Variants in SLC44A1 observed in about 807,000 individuals in gnomAD.
SLC44A1 encodes choline transporter-like protein 1.
Under a neutral mutation model 79.3 loss-of-function variants are expected in SLC44A1, and 26 were observed. That is an observed-to-expected ratio of 0.33 (90% confidence interval 0.24 to 0.46). SLC44A1 has a LOEUF of 0.46. SLC44A1 is among the 20% of genes least tolerant of loss of function. The pLI, the probability that SLC44A1 is intolerant of heterozygous loss-of-function variation, is 1.00. For synonymous variants in SLC44A1, 263 were observed against 286.2 expected, an observed-to-expected ratio of 0.92 and a Z score of 0.82; for missense variants, 688 against 798.1, an observed-to-expected ratio of 0.86 and a Z score of 1.66.
Position 105,305,518 on chromosome 9 carries a change from A to T in SLC44A1, c.127-4206A>T, listed in dbSNP as rs77703548. Among the ~76,000 whole-genome samples, 861 of 152,306 alleles carry T rather than the reference A, an allele frequency of 5.7e-3. 3 individuals carry two copies. The highest frequency in any genetic ancestry group is 9.1e-3 in the Non-Finnish European group (618 of 68,034). ...AGGCAAATGTTCCAGGATTTTACAA[A>T]TCAGTTATTATGAGCTCGAGCCCAA... On this transcript the variant is annotated intron_variant, in intron 2 of 15. Coordinates refer to ENST00000374720, the MANE Select transcript of SLC44A1 (RefSeq NM_080546.5).
chr9:105,250,822 C>T (rs1039445160), intron 1 of SLC44A1, among the ~76,000 whole-genome samples: 3 of 152,092 alleles, frequency 2.0e-5, no homozygotes, highest in Non-Finnish European at 4.4e-5. Flanking sequence ...GTCCTATTCC[C>T]AAAGATTCTT....
At chr9:105,297,140 G>A (rs1830745311) in intron 1 of SLC44A1, among the ~76,000 whole-genome samples, 1 of 152,092 alleles carries the variant, frequency 6.6e-6, no homozygotes, top group African/African-American at 2.4e-5. Context: ...TTTGTTTTCT[G>A]TGTGGGTGTT....
intron 2 of SLC44A1, among the ~76,000 whole-genome samples, chr9:105,307,626 A>G (rs552738674): frequency 8.7e-4 from 131 of 150,468 alleles, no homozygotes; most frequent in Non-Finnish European, 1.7e-3. Flanking sequence ...CCTGGGTGAC[A>G]GAGCTAGACT....
chr9:105,410,382 A>G (rs1294205429), intron 15 of SLC44A1, among the ~76,000 whole-genome samples: 1 of 152,218 alleles, frequency 6.6e-6, no homozygotes, highest in African/African-American at 2.4e-5. Context: ...ACTACTTAAC[A>G]ACAAAAAAAT....
At position 105,391,246 on chromosome 9, in the gene SLC44A1, G is replaced by T. The variant is rs78722983; in HGVS notation, c.*2190G>T. 1.5e-4 allele frequency: 146 copies of T among 985,492 alleles called. No homozygotes were observed. Among genetic ancestry groups the T allele is most frequent in the Middle Eastern group, 1.0e-3 (2 of 1,936 alleles). The allele number at this position is 985,492 out of a possible 1,614,324, so 61.0% of individuals were successfully genotyped here. A position where few individuals can be genotyped will look rare whatever the true frequency, so the allele number is the denominator to read the frequency against. On this transcript the variant is annotated 3_prime_UTR_variant, in exon 16 of 16. Transcript: ENST00000374720. ...TTGCTGCTCCCTGTTCCATATGCTC[G>T]CAATCTCAGCTATTTGGAAGCTACC...
chr9:105,340,515 A>G (rs1827055665), intron 4 of SLC44A1, among the ~76,000 whole-genome samples: 1 of 152,232 alleles, frequency 6.6e-6, no homozygotes, highest in Non-Finnish European at 1.5e-5. Context: ...ACACTTACAA[A>G]TGATTAAGAT....
chr9:105,274,284 C>T (rs1436538226), intron 1 of SLC44A1, among the ~76,000 whole-genome samples: 1 of 152,162 alleles, frequency 6.6e-6, no homozygotes, highest in African/African-American at 2.4e-5. Context: ...TTCAAAGTTA[C>T]CCCTGGACTG....
In SLC44A1 at chr9:105,434,684, A is replaced by C. The variant is rs79764405; in HGVS notation, c.1951-3597A>C. On this transcript the variant is annotated intron_variant, in intron 15 of 15. Coordinates refer to the SLC44A1 transcript ENST00000374724. ...AGAAGATTCAGGAAGCTTTGAACTG[A>C]ATCTTCCAGTCACTCATTGGATGAG... is the stretch of plus-strand genomic sequence containing the variant. Among the ~76,000 whole-genome samples the C allele has an allele frequency of 3.5e-3, 531 of 152,304 alleles. 1 individual carries two copies. Among genetic ancestry groups the C allele is most frequent in the African/African-American group, 0.012 (515 of 41,566 alleles).
intron 15 of SLC44A1, among the ~76,000 whole-genome samples, chr9:105,402,666 C>T (rs17305886): frequency 0.11 from 10,583 of 99,170 alleles, 401 homozygotes; most frequent in South Asian, 0.16. Context: ...AGGCGTGTGT[C>T]GCTTAGGTAG....
intron 15 of SLC44A1, among the ~76,000 whole-genome samples, chr9:105,438,096 G>A (rs1829486722): frequency 1.3e-5 from 2 of 151,276 alleles, no homozygotes; most frequent in Admixed American, 1.3e-4. Flanking sequence ...AGTTGATAAG[G>A]GGATCTCCCA....
At position 105,364,773 on chromosome 9, in the gene SLC44A1, G is replaced by A. The variant is rs1202194402; in HGVS notation, c.1253+53G>A. 26 of 1,448,240 alleles carry A rather than the reference G, an allele frequency of 1.8e-5. No individual in the cohort carries two copies. The East Asian group carries it at 1.8e-4, about 10-fold the overall frequency. The allele number at this position is 1,448,240 out of a possible 1,614,324, so 89.7% of individuals were successfully genotyped here. A position where few individuals can be genotyped will look rare whatever the true frequency, so the allele number is the denominator to read the frequency against. ...CGAGTTCATCTAAGGGATGGTGTCCGCAGGCTGGAGGGGAAGGGAATCAGA... is the reference window on the plus strand; with the variant it reads ...CGAGTTCATCTAAGGGATGGTGTCCACAGGCTGGAGGGGAAGGGAATCAGA... On this transcript the variant is annotated intron_variant, in intron 10 of 15. Coordinates refer to ENST00000374720, the MANE Select transcript of SLC44A1 (RefSeq NM_080546.5).
intron 1 of SLC44A1, among the ~76,000 whole-genome samples, chr9:105,267,775 A>G (rs1474183363): frequency 6.6e-6 from 1 of 152,092 alleles, no homozygotes; most frequent in Non-Finnish European, 1.5e-5. Context: ...TCTAGTTATT[A>G]TTAATATTTA....
intron 1 of SLC44A1, among the ~76,000 whole-genome samples, chr9:105,267,103 C>T (rs1447562110): frequency 6.6e-6 from 1 of 152,084 alleles, no homozygotes; most frequent in African/African-American, 2.4e-5. Context: ...TTTGTTGACA[C>T]CTGGCATGTT....
intron 8 of SLC44A1, 130 bp downstream of exon 8, chr9:105,361,460 A>G: frequency 5.6e-6 from 5 of 889,330 alleles, no homozygotes; most frequent in East Asian, 2.5e-5. Flanking sequence ...TCTCTGTGCC[A>G]TAGTGTATGA....
At chr9:105,433,825 G>A (rs907531165) in intron 15 of SLC44A1, among the ~76,000 whole-genome samples, 1 of 151,908 alleles carries the variant, frequency 6.6e-6, no homozygotes, top group Admixed American at 6.6e-5. Context: ...GCATTTCAAT[G>A]ACAAGATCTA....
chr9:105,246,635 G>A (rs327956), intron 1 of SLC44A1, among the ~76,000 whole-genome samples: 28,677 of 152,038 alleles, frequency 0.19, 4,681 homozygotes, highest in African/African-American at 0.44. Context: ...ATTTACTTAA[G>A]TATAATTTTC....
At chr9:105,324,231 G>A (rs544333232) in intron 3 of SLC44A1, among the ~76,000 whole-genome samples, 16 of 150,788 alleles carry the variant, frequency 1.1e-4, no homozygotes, top group East Asian at 9.8e-4. Context: ...GATTACAGGC[G>A]TGATTCACCG....
chr9:105,364,834 G>T, intron 10 of SLC44A1, 114 bp downstream of exon 10: 1 of 763,978 alleles, frequency 1.3e-6, no homozygotes, highest in South Asian at 1.8e-5. Context: ...TTTAACAAAA[G>T]AATTAGAAAT....
At position 105,352,486 on chromosome 9, in the gene SLC44A1, T is replaced by A. The variant is rs184064610; in HGVS notation, c.501-3726T>A. 1.1e-3 allele frequency among the ~76,000 whole-genome samples: 169 copies of A among 152,272 alleles called. 2 individuals are homozygous for A. In the East Asian group the frequency reaches 0.03, roughly 27 times the overall value. On this transcript the variant is annotated intron_variant, in intron 5 of 15. Coordinates refer to ENST00000374720, the MANE Select transcript of SLC44A1 (RefSeq NM_080546.5). ...TTTCATATGAGGGACTAATTAAAAA[T>A]TTTTAAAAGACTCATTATAAGTTCA...
Sources: gnomAD v4.1 joint callset for allele counts (sites outside exome capture counted in the v4.1 genomes callset) on GRCh38, gnomAD v4.1.1 for gene constraint, MANE v1.5 for transcripts, NCBI Gene and HGNC (gene_info 2026-07-23, HGNC 2026-07-21) for gene names.